ADGRL3: variants seen among roughly 807,000 people sequenced by gnomAD.
The protein encoded by ADGRL3 is calcium-independent alpha-latrotoxin receptor 3.
In ADGRL3, 62 loss-of-function variants were observed where a neutral mutation model predicts 153.5. The ratio of observed to expected loss-of-function variants is 0.40; its 90% CI spans 0.33 to 0.50. ADGRL3 has a LOEUF of 0.50. ADGRL3 is among the 20% of genes least tolerant of loss of function. The pLI, the probability that ADGRL3 is intolerant of heterozygous loss-of-function variation, is 0.47. For missense variants in ADGRL3, 1,641 were observed against 1,859.4 expected (o/e 0.88, Z 2.16); for synonymous variants, 710 against 672.5 (o/e 1.06, Z -0.86).
At position 62,073,602 on chromosome 4, in the gene ADGRL3, ACCT is replaced by A. The variant is rs1417013944; in HGVS notation, c.*2696_*2698del. On this transcript the variant is annotated 3_prime_UTR_variant, in exon 27 of 27. Transcript: ENST00000683033. ...GGTTTCACAGAAAAATGGGGAAACT[ACCT>A]CAATTCAGCTTGCTGATTTTCTGAC... 6.6e-6 allele frequency: 1 copy of A among 152,098 alleles called. No individual in the cohort carries two copies. Among genetic ancestry groups the A allele is most frequent in the Non-Finnish European group, 1.5e-5 (1 of 68,000 alleles). The allele number at this position is 152,098 out of a possible 1,614,324, so 9.4% of individuals were successfully genotyped here. A position where few individuals can be genotyped will look rare whatever the true frequency, so the allele number is the denominator to read the frequency against.
intron 6 of ADGRL3, among the ~76,000 whole-genome samples, chr4:61,689,003 C>T (rs2095494799): frequency 6.6e-6 from 1 of 152,082 alleles, no homozygotes; most frequent in Admixed American, 6.6e-5. Context: ...CTCTGTGGCC[C>T]AGGCTGCAGT....
chr4:61,640,700 T>C (rs1342226876), intron 5 of ADGRL3, among the ~76,000 whole-genome samples: 4 of 152,208 alleles, frequency 2.6e-5, no homozygotes, highest in African/African-American at 9.6e-5. Context: ...GAAAACTCTA[T>C]TGACTTCCAC....
At position 61,726,210 on chromosome 4, in the gene ADGRL3, G is replaced by GTTTTTTTTT. The variant is rs149472429; in HGVS notation, c.584-4406_584-4405insTTTTTTTTT. On this transcript the variant is annotated intron_variant, in intron 6 of 26. Transcript: ENST00000683033. ...AATACTCACTGGAACTTTTTTTTTT[G>GTTTTTTTTT]TTTTTTGAGAAGGAGTCTCACCCTG... 1.4e-3 allele frequency among the ~76,000 whole-genome samples: 168 copies of GTTTTTTTTT among 118,520 alleles called. 11 individuals carry two copies. The highest frequency in any genetic ancestry group is 5.1e-3 in the African/African-American group (163 of 31,750). 77.8% of individuals were successfully genotyped at this position (118,520 alleles called of 152,430 possible). A position where few individuals can be genotyped will look rare whatever the true frequency, so the allele number is the denominator to read the frequency against.
chr4:61,517,658 A>T (rs2098505577), intron 4 of ADGRL3, 140 bp downstream of exon 4: 1 of 613,372 alleles, frequency 1.6e-6, no homozygotes, highest in African/African-American at 1.8e-5. Context: ...ATTACCACTT[A>T]GTGATATCCT....
At chr4:61,827,318 A>C (rs1477585060) in intron 9 of ADGRL3, among the ~76,000 whole-genome samples, 2 of 152,200 alleles carry the variant, frequency 1.3e-5, no homozygotes, top group Non-Finnish European at 2.9e-5. Context: ...TGAATCTGTT[A>C]ATCTATTGCC....
chr4:62,017,087 C>T (rs558100854), intron 21 of ADGRL3, among the ~76,000 whole-genome samples: 1 of 152,064 alleles, frequency 6.6e-6, no homozygotes, highest in East Asian at 1.9e-4. Flanking sequence ...CAACTTTTCT[C>T]TGCACTCATT....
intron 2 of ADGRL3, among the ~76,000 whole-genome samples, chr4:61,393,570 C>G (rs1047316824): frequency 6.6e-6 from 1 of 151,642 alleles, no homozygotes; most frequent in African/African-American, 2.4e-5. Flanking sequence ...AGAGCCTTTA[C>G]TTAATTATGA....
chr4:61,640,486 C>A (rs543775869), intron 5 of ADGRL3, among the ~76,000 whole-genome samples: 1 of 152,094 alleles, frequency 6.6e-6, no homozygotes, highest in Non-Finnish European at 1.5e-5. Flanking sequence ...GCTCCATTTT[C>A]CCACTATATG....
At chr4:61,505,139 C>G (rs1457795100) in intron 3 of ADGRL3, among the ~76,000 whole-genome samples, 1 of 152,014 alleles carries the variant, frequency 6.6e-6, no homozygotes, top group East Asian at 1.9e-4. Flanking sequence ...TGGATAACAG[C>G]CATTTTAACT....
intron 1 of ADGRL3, among the ~76,000 whole-genome samples, chr4:61,218,314 TTC>T (rs1743800264): frequency 1.2e-5 from 1 of 80,814 alleles, no homozygotes; most frequent in African/African-American, 4.7e-5. Flanking sequence ...TATTAAGTGC[TTC>T]TTTTTTTTTT....
chr4:61,710,644 ATGTT>A (rs2095957126), intron 6 of ADGRL3, among the ~76,000 whole-genome samples: 1 of 152,200 alleles, frequency 6.6e-6, no homozygotes, highest in Non-Finnish European at 1.5e-5. Flanking sequence ...ACTTGAGTAC[ATGTT>A]TATTTAAACA....
chr4:61,535,985 A>G (rs1180639551), intron 4 of ADGRL3, among the ~76,000 whole-genome samples: 4 of 151,928 alleles, frequency 2.6e-5, no homozygotes, highest in Non-Finnish European at 4.4e-5. Flanking sequence ...TGGGTGTGAT[A>G]TTAGGTTGTT....
At chr4:61,570,817 G>A (rs1015882751) in intron 4 of ADGRL3, among the ~76,000 whole-genome samples, 1 of 152,004 alleles carries the variant, frequency 6.6e-6, no homozygotes, top group Admixed American at 6.6e-5. Flanking sequence ...ATTCTCCCAG[G>A]TCATTTGCAT....
At chr4:61,634,156 G>A (rs1033178295) in intron 5 of ADGRL3, among the ~76,000 whole-genome samples, 3 of 152,058 alleles carry the variant, frequency 2.0e-5, no homozygotes, top group South Asian at 2.1e-4. Context: ...TCTTTTGTGT[G>A]TTCCTTTTAT....
intron 2 of ADGRL3, among the ~76,000 whole-genome samples, chr4:61,466,936 AT>A (rs2097891943): frequency 1.3e-5 from 2 of 152,230 alleles, no homozygotes; most frequent in African/African-American, 2.4e-5. Flanking sequence ...AATGAAAAAA[AT>A]ATGCTACAAG....
chr4:61,550,115 T>G (rs1430662446), intron 4 of ADGRL3, among the ~76,000 whole-genome samples: 2 of 151,998 alleles, frequency 1.3e-5, no homozygotes, highest in Non-Finnish European at 2.9e-5. Flanking sequence ...CAAGGAGAGA[T>G]AAAATTCCTT....
intron 4 of ADGRL3, among the ~76,000 whole-genome samples, chr4:61,525,601 G>C (rs2098554401): frequency 6.6e-6 from 1 of 152,118 alleles, no homozygotes; most frequent in Admixed American, 6.6e-5. Context: ...TAAAAGTAGA[G>C]AGCTCAGTTA....
chr4:61,746,215 G>A (rs563551470), intron 8 of ADGRL3, among the ~76,000 whole-genome samples: 1 of 152,032 alleles, frequency 6.6e-6, no homozygotes, highest in Non-Finnish European at 1.5e-5. Flanking sequence ...AGCAAGTCCT[G>A]AGTGACCTAC....
intron 2 of ADGRL3, among the ~76,000 whole-genome samples, chr4:61,441,840 G>A (rs778304573): frequency 7.2e-5 from 11 of 152,014 alleles, no homozygotes; most frequent in Admixed American, 2.6e-4. Flanking sequence ...AATATGGTTC[G>A]AGATGATGTT....
Sources: allele counts gnomAD v4.1 joint callset (sites outside exome capture counted in the v4.1 genomes callset), GRCh38; gene constraint gnomAD v4.1.1; transcripts MANE v1.5; gene names NCBI Gene and HGNC (gene_info 2026-07-23, HGNC 2026-07-21).